Variants in LTN1 observed in about 807,000 individuals in gnomAD.
LTN1 encodes listerin E3 ubiquitin protein ligase 1, also known as E3 ubiquitin-protein ligase listerin.
LTN1 carries 88 observed loss-of-function variants against 201.2 expected under a neutral mutation model. The ratio of observed to expected loss-of-function variants is 0.44; its 90% CI spans 0.37 to 0.52. The LOEUF (loss-of-function observed/expected upper bound fraction) is 0.52. Ranked by LOEUF, LTN1 falls within the 20% of genes least tolerant of loss-of-function variation. LTN1 has a pLI of 0.00. For missense variants in LTN1, 1,752 were observed against 2,038.7 expected (o/e 0.86, Z 2.71); for synonymous variants, 645 against 713.5 (o/e 0.90, Z 1.53).
At chr21:28,947,811 T>G (rs920818847) in intron 18 of LTN1, among the ~76,000 whole-genome samples, 3 of 151,808 alleles carry the variant, frequency 2.0e-5, no homozygotes, top group Non-Finnish European at 4.4e-5. Context: ...TGCATAAATT[T>G]TTTAAATGAG....
chr21:28,945,736 T>C, intron 21 of LTN1, 71 bp downstream of exon 21: 1 of 1,359,796 alleles, frequency 7.4e-7, no homozygotes, highest in Non-Finnish European at 1.0e-6. Context: ...AGAATGAGAT[T>C]AGTAAATAGT....
In LTN1 at chr21:28,933,615, C is replaced by T. The variant is rs184259096; in HGVS notation, c.4876-951G>A. 2.1e-3 allele frequency among the ~76,000 whole-genome samples: 323 copies of T among 151,838 alleles called. 3 individuals carry two copies. Among genetic ancestry groups the T allele is most frequent in the African/African-American group, 7.6e-3 (314 of 41,402 alleles). ...TTATTTATCATTTCCTGGGCAACGA[C>T]TGAAATGACATTCTCACTTCTATGC... On this transcript the variant is annotated intron_variant, in intron 27 of 29. Coordinates refer to ENST00000361371, the MANE Select transcript of LTN1 (RefSeq NM_015565.3).
In LTN1 at chr21:28,992,828, T is replaced by C. The variant is rs766661448; in HGVS notation, c.-23A>G. The stretch of plus-strand genomic sequence containing the variant: ...CATGGTCGCGGTTGCAGCTGTACTC[T>C]GAGCACTCAGACCCCGGTTGACACG... On this transcript the variant is annotated 5_prime_UTR_variant, in exon 1 of 30. Transcript: ENST00000361371. 13 of 1,614,090 alleles carry C rather than the reference T, an allele frequency of 8.1e-6. No homozygotes were observed. The highest frequency in any genetic ancestry group is 1.1e-5 in the Non-Finnish European group (13 of 1,180,024).
chr21:28,930,569 A>T, intron 29 of LTN1, 59 bp from the exon 30 acceptor site: 1 of 1,086,986 alleles, frequency 9.2e-7, no homozygotes, highest in South Asian at 1.3e-5. Context: ...TCTAACATAC[A>T]TCATAAAGTA....
In LTN1 at chr21:28,966,911, C is replaced by T; in HGVS notation, c.1580G>A (p.Ser527Asn). Reference protein sequence around the residue: ...NLLQVLQKPKSSLKSSKKKNG... With the variant: ...NLLQVLQKPKNSLKSSKKKNG... The stretch of plus-strand genomic sequence containing the variant: ...TTTTTTTTTACTTGACTTCAATGAG[C>T]TCTTCGGCTTCTGAAGCACCTGTAA... Residue 527 changes from serine to asparagine, a missense_variant, in exon 10 of 30, where the codon AGC becomes AAC. Physicochemically the swap from Ser to Asn is conservative, Grantham distance 46. Coordinates refer to ENST00000361371, the MANE Select transcript of LTN1 (RefSeq NM_015565.3). The T allele has an allele frequency of 6.2e-7, 1 of 1,612,970 alleles. No individual in the cohort carries two copies. Among genetic ancestry groups the T allele is most frequent in the South Asian group, 1.1e-5 (1 of 90,778 alleles).
At chr21:28,965,747 G>A in intron 11 of LTN1, 118 bp downstream of exon 11, 1 of 593,048 alleles carries the variant, frequency 1.7e-6, no homozygotes, top group Non-Finnish European at 2.9e-6. Flanking sequence ...TAATGAGGAA[G>A]TTCTCTAACA....
At chr21:28,936,428 A>G (rs918761972) in intron 26 of LTN1, 98 bp downstream of exon 26, 94 of 931,514 alleles carry the variant, frequency 1.0e-4, no homozygotes, top group Middle Eastern at 3.5e-4. Context: ...GCCAGGACCC[A>G]CCTTTGGGGT....
chr21:28,953,460 T>A, intron 16 of LTN1, 84 bp from the exon 17 acceptor site: 1 of 1,020,808 alleles, frequency 9.8e-7, no homozygotes, highest in South Asian at 1.7e-5. Flanking sequence ...CCTTGTTTTC[T>A]AACACTGTTG....
intron 9 of LTN1, among the ~76,000 whole-genome samples, chr21:28,969,124 G>C (rs927855046): frequency 6.6e-6 from 1 of 151,874 alleles, no homozygotes; most frequent in Non-Finnish European, 1.5e-5. Context: ...GGGAGGCTGA[G>C]GCAGGAGAAT....
In LTN1 at chr21:28,967,209, A is replaced by G. The variant is rs760849426; in HGVS notation, c.1312-30T>C. On this transcript the variant is annotated intron_variant, in intron 9 of 29. Coordinates refer to ENST00000361371, the MANE Select transcript of LTN1 (RefSeq NM_015565.3). ...AAGAAAAGGTAGAATATCATAAAAT[A>G]TATATTTGGTCTTCAACCCCCATCT... is the stretch of plus-strand genomic sequence containing the variant. 15 of 1,510,174 alleles carry G rather than the reference A, an allele frequency of 9.9e-6. No homozygotes were observed. The East Asian group carries it at 3.4e-4, about 34-fold the overall frequency. The allele number at this position is 1,510,174 out of a possible 1,614,324, so 93.5% of individuals were successfully genotyped here. A position where few individuals can be genotyped will look rare whatever the true frequency, so the allele number is the denominator to read the frequency against.
chr21:28,982,318 C>T lies in LTN1; in HGVS notation c.627G>A (p.Pro209=), dbSNP rs529154128. The change falls in exon 5 of 30, where the codon CCG becomes CCA. Residue 209 remains proline, a splice_region_variant and synonymous_variant. Coordinates refer to ENST00000361371, the MANE Select transcript of LTN1 (RefSeq NM_015565.3). ...TACAATGAAACAATACAACTTACTG[C>T]GGGTCACTGAGTGTATCAGGTGTTT... ...IKETPDTLSD[P]QTVPEEEREA... 176 of 1,611,354 alleles carry T rather than the reference C, an allele frequency of 1.1e-4. 1 individual carries two copies. In the South Asian group the frequency reaches 1.6e-3, roughly 15 times the overall value.
At position 28,986,008 on chromosome 21, in the gene LTN1, A is replaced by C; in HGVS notation, c.345+131T>G. ...CGCTCTTCTCAAGTGTTAACAATTC[A>C]ATCTGCATAACAATGCTGACATAAC... On this transcript the variant is annotated intron_variant, in intron 3 of 29. Coordinates refer to ENST00000361371, the MANE Select transcript of LTN1 (RefSeq NM_015565.3). The surrounding 1 kb of genome is among the most constrained non-coding windows in gnomAD (Gnocchi z 4.1). The C allele has an allele frequency of 1.6e-6, 1 of 609,932 alleles. No individual in the cohort carries two copies. The highest frequency in any genetic ancestry group is 2.9e-6 in the Non-Finnish European group (1 of 340,668). The allele number at this position is 609,932 out of a possible 1,614,324, so 37.8% of individuals were successfully genotyped here.
intron 26 of LTN1, among the ~76,000 whole-genome samples, chr21:28,936,275 T>C (rs1204770885): frequency 6.6e-6 from 1 of 152,198 alleles, no homozygotes; most frequent in East Asian, 1.9e-4. Context: ...GTAAGAAATA[T>C]TTGTTTACAG....
rs2084189306 is a variant in LTN1 at position 28,928,862 on chromosome 21, GA to G, written c.*1585del. The G allele has an allele frequency of 6.6e-6, 1 of 152,470 alleles. No homozygotes were observed. The highest frequency in any genetic ancestry group is 6.5e-5 in the Admixed American group (1 of 15,276). 9.4% of individuals were successfully genotyped at this position (152,470 alleles called of 1,614,324 possible). On this transcript the variant is annotated 3_prime_UTR_variant, in exon 30 of 30. Coordinates refer to ENST00000361371, the MANE Select transcript of LTN1 (RefSeq NM_015565.3). ...TCTTATTATAAAACCATTTTTAAAG[GA>G]AAAGTAATAACTTTCACGGGGAGTA...
At position 28,947,592 on chromosome 21, in the gene LTN1, G is replaced by A. The variant is rs1255842723; in HGVS notation, c.3359C>T (p.Thr1120Ile). Residue 1120 changes from threonine to isoleucine, a missense_variant, in exon 19 of 30, where the codon ACT becomes ATT. By Grantham distance (89) the Thr-to-Ile change is moderately conservative. This residue lies in a region of LTN1 where 1,211 missense variants were observed against 1,312.8 expected (regional missense o/e 0.92). Transcript: ENST00000361371. ...YKRKESFFPL[T>I]EGNLHTIQSL... ...TTGAATGGTATGCAAATTGCCTTCAGTTAGTGGAAAAAAACTGTTTAAAGA... is the reference window on the plus strand; with the variant it reads ...TTGAATGGTATGCAAATTGCCTTCAATTAGTGGAAAAAAACTGTTTAAAGA... 2 of 1,554,766 alleles carry A rather than the reference G, an allele frequency of 1.3e-6. No individual in the cohort carries two copies. Among genetic ancestry groups the A allele is most frequent in the Non-Finnish European group, 1.7e-6 (2 of 1,160,674 alleles).
chr21:28,973,070 G>A (rs543432681), intron 6 of LTN1, among the ~76,000 whole-genome samples: 13 of 152,120 alleles, frequency 8.5e-5, no homozygotes, highest in Admixed American at 4.6e-4. Context: ...GATGAAGGCC[G>A]GGCATGGTGG....
chr21:28,963,228 T>C lies in LTN1; in HGVS notation c.2164-2522A>G, dbSNP rs190553332. ...AGTCACATATTAGAAGAAGATGTCA[T>C]CTAAGACTCTCATAGCTAGCAAGAA... On this transcript the variant is annotated intron_variant, in intron 11 of 29. Coordinates refer to ENST00000361371, the MANE Select transcript of LTN1 (RefSeq NM_015565.3). 1.0e-3 allele frequency among the ~76,000 whole-genome samples: 152 copies of C among 152,364 alleles called. 1 individual carries two copies. The highest frequency in any genetic ancestry group is 1.9e-3 in the Admixed American group (29 of 15,306).
At chr21:28,985,581 T>G (rs370369466) in intron 3 of LTN1, among the ~76,000 whole-genome samples, 1 of 151,946 alleles carries the variant, frequency 6.6e-6, no homozygotes, top group African/African-American at 2.4e-5. Context: ...GGAAAGCACC[T>G]GGGTAATTCT....
intron 21 of LTN1, 126 bp downstream of exon 21, chr21:28,945,681 A>C: frequency 1.3e-6 from 1 of 774,474 alleles, no homozygotes; most frequent in Non-Finnish European, 2.0e-6. Flanking sequence ...ACATCTATAA[A>C]GTGTTTTAAA....
Sources: allele counts gnomAD v4.1 joint callset (sites outside exome capture counted in the v4.1 genomes callset), GRCh38; gene constraint gnomAD v4.1.1; regional missense constraint gnomAD v4.1.1; non-coding constraint Gnocchi (gnomAD v3.1); transcripts MANE v1.5; gene names NCBI Gene and HGNC (gene_info 2026-07-23, HGNC 2026-07-21).